The following CNTN5 variants were observed in gnomAD, a reference collection of about 807,000 sequenced individuals.
CNTN5 encodes contactin-5.
In CNTN5, 77 loss-of-function variants were observed where a neutral mutation model predicts 129.1. The ratio of observed to expected loss-of-function variants is 0.60; its 90% CI spans 0.50 to 0.72. The LOEUF is 0.72. CNTN5 is among the 30% of genes least tolerant of loss of function. The pLI, the probability that CNTN5 is intolerant of heterozygous loss-of-function variation, is 0.00. For missense variants in CNTN5, 1,478 were observed against 1,328.8 expected, an observed-to-expected ratio of 1.11 and a Z score of -1.75; for synonymous variants, 509 against 465.6, an observed-to-expected ratio of 1.09 and a Z score of -1.20.
intron 1 of CNTN5, among the ~76,000 whole-genome samples, chr11:99,099,646 C>G (rs1027024970): frequency 6.6e-6 from 1 of 152,062 alleles, no homozygotes; most frequent in Non-Finnish European, 1.5e-5. Context: ...ATTGCCCAGA[C>G]TCCCACTTCC....
At chr11:99,340,382 A>G (rs1465665123) in intron 2 of CNTN5, among the ~76,000 whole-genome samples, 1 of 152,200 alleles carries the variant, frequency 6.6e-6, no homozygotes, top group African/African-American at 2.4e-5. Context: ...GAAGACAGGA[A>G]AAGTAAGGAT....
intron 21 of CNTN5, among the ~76,000 whole-genome samples, chr11:100,315,061 G>T (rs73565617): frequency 0.016 from 2,470 of 152,156 alleles, 85 homozygotes; most frequent in African/African-American, 0.056. Context: ...TTTGTATTTT[G>T]CTTCAATCCT....
intron 3 of CNTN5, among the ~76,000 whole-genome samples, chr11:99,805,790 T>C (rs1305915725): frequency 6.6e-6 from 1 of 152,208 alleles, no homozygotes; most frequent in African/African-American, 2.4e-5. Flanking sequence ...AGCTGATAAA[T>C]GTCATTGAGC....
chr11:100,258,977 C>T (rs1950138877), intron 17 of CNTN5, among the ~76,000 whole-genome samples: 1 of 151,866 alleles, frequency 6.6e-6, no homozygotes, highest in Non-Finnish European at 1.5e-5. Flanking sequence ...GGCTAAATGC[C>T]CCAGTTAAAA....
intron 2 of CNTN5, among the ~76,000 whole-genome samples, chr11:99,443,448 A>G (rs1454923953): frequency 6.6e-6 from 1 of 152,146 alleles, no homozygotes; most frequent in Non-Finnish European, 1.5e-5. Context: ...GTACATTTTC[A>G]TGGTGTTTTG....
intron 3 of CNTN5, among the ~76,000 whole-genome samples, chr11:99,671,071 T>G (rs1371063944): frequency 6.6e-5 from 10 of 152,120 alleles, no homozygotes; most frequent in African/African-American, 2.4e-4. Flanking sequence ...GCACGTGCTC[T>G]CTCTCGCTTT....
At chr11:100,015,696 T>C (rs1208825491) in intron 9 of CNTN5, among the ~76,000 whole-genome samples, 1 of 152,000 alleles carries the variant, frequency 6.6e-6, no homozygotes, top group Non-Finnish European at 1.5e-5. Context: ...TTCAAGACAC[T>C]TAATTTTAAA....
chr11:99,627,987 T>C (rs930708292), intron 3 of CNTN5, among the ~76,000 whole-genome samples: 6 of 150,376 alleles, frequency 4.0e-5, no homozygotes, highest in Admixed American at 6.7e-5. Context: ...TTCATTCTTA[T>C]TTGTGTTGGA....
intron 2 of CNTN5, among the ~76,000 whole-genome samples, chr11:99,494,165 C>G (rs1260098869): frequency 6.6e-6 from 1 of 152,152 alleles, no homozygotes; most frequent in Admixed American, 6.5e-5. Context: ...TGATGGAACT[C>G]ACTCCGTAGT....
intron 8 of CNTN5, among the ~76,000 whole-genome samples, chr11:99,971,575 ACT>A (rs1478703120): frequency 1.3e-5 from 2 of 151,216 alleles, no homozygotes; most frequent in Non-Finnish European, 2.9e-5. Flanking sequence ...CAAACAAAAA[ACT>A]CTACAAAATA....
intron 2 of CNTN5, among the ~76,000 whole-genome samples, chr11:99,540,362 T>C (rs1452121767): frequency 6.6e-6 from 1 of 152,212 alleles, no homozygotes; most frequent in African/African-American, 2.4e-5. Flanking sequence ...TTAAATGTGA[T>C]CATTTATTGA....
chr11:100,341,460 C>T (rs1952160846), intron 23 of CNTN5, among the ~76,000 whole-genome samples: 1 of 152,162 alleles, frequency 6.6e-6, no homozygotes, highest in South Asian at 2.1e-4. Context: ...GTGAAGATGA[C>T]TCTGTGAAGC....
At chr11:100,173,425 C>T (rs897948960) in intron 13 of CNTN5, among the ~76,000 whole-genome samples, 7 of 151,992 alleles carry the variant, frequency 4.6e-5, no homozygotes, top group East Asian at 1.9e-4. Flanking sequence ...ACAGACTTGC[C>T]GATTAGCTCT....
chr11:99,969,477 G>A (rs953272670), intron 8 of CNTN5, among the ~76,000 whole-genome samples: 23 of 152,046 alleles, frequency 1.5e-4, no homozygotes, highest in Admixed American at 9.2e-4. Flanking sequence ...GATTTCTTGA[G>A]AAACTACTTG....
At chr11:100,203,864 T>G (rs1235176527) in intron 15 of CNTN5, among the ~76,000 whole-genome samples, 1 of 148,882 alleles carries the variant, frequency 6.7e-6, no homozygotes, top group Non-Finnish European at 1.5e-5. Context: ...CCAGCCTACA[T>G]ATCAAACTTC....
At chr11:99,211,420 G>A (rs1394688619) in intron 1 of CNTN5, among the ~76,000 whole-genome samples, 1 of 151,942 alleles carries the variant, frequency 6.6e-6, no homozygotes, top group Admixed American at 6.6e-5. Context: ...ACTTCCAGTA[G>A]TACTTTTTAA....
chr11:100,078,375 A>G (rs1944229209), intron 13 of CNTN5, among the ~76,000 whole-genome samples: 1 of 152,202 alleles, frequency 6.6e-6, no homozygotes, highest in African/African-American at 2.4e-5. Flanking sequence ...ATTTGGCCCT[A>G]AATGATACAA....
At chr11:100,268,548 A>T (rs1293392519) in intron 17 of CNTN5, among the ~76,000 whole-genome samples, 1 of 152,178 alleles carries the variant, frequency 6.6e-6, no homozygotes, top group Non-Finnish European at 1.5e-5. Context: ...TGCTACTGAG[A>T]TGTCAAGTAA....
chr11:99,428,707 T>C (rs1943243490), intron 2 of CNTN5, among the ~76,000 whole-genome samples: 2 of 151,776 alleles, frequency 1.3e-5, no homozygotes, highest in African/African-American at 2.4e-5. Context: ...TGTATAAGCA[T>C]TTATTCCATT....
Sources: allele counts gnomAD v4.1 joint callset (sites outside exome capture counted in the v4.1 genomes callset), GRCh38; gene constraint gnomAD v4.1.1; transcripts MANE v1.5; gene names NCBI Gene and HGNC (gene_info 2026-07-23, HGNC 2026-07-21).